HEATR9: variants seen among roughly 807,000 people sequenced by gnomAD.
HEATR9 encodes HEAT repeat containing 9.
HEATR9 carries 54 observed loss-of-function variants against 68.2 expected under a neutral mutation model. The observed-to-expected ratio is 0.79, with a 90% CI of 0.64 to 0.99. HEATR9 has a LOEUF of 0.99. Among genes scored for constraint, HEATR9 ranks in the 50% least tolerant of loss-of-function variants. The pLI is 0.00. For missense variants in HEATR9, 662 were observed against 679.7 expected (o/e 0.97, Z 0.29); for synonymous variants, 241 against 253.5 (o/e 0.95, Z 0.47).
At chr17:35,865,945 C>T (rs1209223305) in intron 2 of HEATR9, among the ~76,000 whole-genome samples, 2 of 152,202 alleles carry the variant, frequency 1.3e-5, no homozygotes, top group Admixed American at 6.5e-5. Flanking sequence ...GGGAAACAGA[C>T]TTTCTTAAAA....
chr17:35,863,153 G>A (rs780394512), intron 7 of HEATR9, 28 bp from the exon 8 acceptor site: 6 of 1,612,356 alleles, frequency 3.7e-6, no homozygotes, highest in Non-Finnish European at 5.1e-6. Flanking sequence ...TCAAGTCAGG[G>A]CAGAGCCTCT....
rs778727437 is a variant in HEATR9, at chr17:35,855,292, CT to C, written c.1483del (p.Arg495GlyfsTer12). 5 of 1,614,070 alleles carry C rather than the reference CT, an allele frequency of 3.1e-6. No homozygotes were observed. The East Asian group carries it at 8.9e-5, about 29-fold the overall frequency. ...PKTNVKAEPTRFQKEPENPEE... is the reference protein window; with the variant it reads ...PKTNVKAEPTXFQKEPENPEE... ...TGGGTTCTCAGGCTCTTTCTGGAACCTTGTGGGCTCTGCCTTCACATTGGTC... is the reference window on the plus strand; with the variant it reads ...TGGGTTCTCAGGCTCTTTCTGGAACCTGTGGGCTCTGCCTTCACATTGGTC... On this transcript the variant is annotated frameshift_variant, in exon 15 of 15. Transcript: ENST00000604834. LOFTEE classifies it low-confidence loss of function (END_TRUNC).
intron 8 of HEATR9, among the ~76,000 whole-genome samples, chr17:35,862,275 A>G (rs1354228906): frequency 6.6e-6 from 1 of 152,178 alleles, no homozygotes; most frequent in African/African-American, 2.4e-5. Context: ...GTTCACTGCT[A>G]TATCCCAAGG....
intron 4 of HEATR9, 28 bp downstream of exon 4, chr17:35,864,730 C>G: frequency 6.2e-7 from 1 of 1,613,410 alleles, no homozygotes; most frequent in African/African-American, 1.3e-5. Flanking sequence ...GAGGGAGTCC[C>G]CCACGTCCTC....
At chr17:35,861,248 A>G in intron 8 of HEATR9, 1 of 1,537,954 alleles carries the variant, frequency 6.5e-7, no homozygotes, top group East Asian at 2.2e-5. Context: ...TTCGTTATAA[A>G]TTTAGCTTGA....
In HEATR9 at chr17:35,855,163, G is replaced by A. The variant is rs375997706; in HGVS notation, c.1613C>T (p.Pro538Leu). 39 of 1,614,000 alleles carry A rather than the reference G, an allele frequency of 2.4e-5. No homozygotes were observed. In the Admixed American group the frequency reaches 3.5e-4, roughly 14 times the overall value. The part of the protein sequence containing the change: ...VGQKKTPAFP[P>L]CCSKPRKHRP... ...ATGTTTTCGTGGTTTCGAGCAGCAC[G>A]GTGGGAAAGCAGGCGTTTTCTTTTG... The change falls in exon 15 of 15, where the codon CCG becomes CTG. Residue 538 changes from proline (P) to leucine (L), a missense_variant. Coordinates refer to ENST00000604834, the MANE Select transcript of HEATR9 (RefSeq NM_152781.4).
chr17:35,858,159 GT>G (rs1476387901), intron 11 of HEATR9, 40 bp downstream of exon 11: 1 of 1,613,330 alleles, frequency 6.2e-7, no homozygotes, highest in East Asian at 2.2e-5. Flanking sequence ...AAAGAGAAAG[GT>G]TTGGGTGTCT....
intron 1 of HEATR9, 117 bp from the exon 2 acceptor site, chr17:35,866,890 C>G: frequency 1.0e-6 from 1 of 957,452 alleles, no homozygotes; most frequent in Admixed American, 1.7e-5. Context: ...GGCAGATCAC[C>G]TGAGGTCAGG....
chr17:35,857,071 G>A (rs74891464), intron 11 of HEATR9, among the ~76,000 whole-genome samples: 4,463 of 152,142 alleles, frequency 0.029, 225 homozygotes, highest in African/African-American at 0.1. Context: ...AAACTTGGAA[G>A]GTGAGTGGGA....
chr17:35,855,869 C>T, intron 13 of HEATR9, 119 bp from the exon 14 acceptor site: 1 of 847,868 alleles, frequency 1.2e-6, no homozygotes, highest in African/African-American at 1.7e-5. Flanking sequence ...GATAGGGTTT[C>T]CCAGCTGAGA....
chr17:35,866,922 A>G (rs1313150243), intron 1 of HEATR9, 149 bp from the exon 2 acceptor site: 2 of 721,556 alleles, frequency 2.8e-6, no homozygotes, highest in African/African-American at 1.8e-5. Flanking sequence ...AGCCTAGCCA[A>G]CATGGTGAAA....
At chr17:35,864,405 C>A in intron 5 of HEATR9, 92 bp downstream of exon 5, 1 of 1,535,570 alleles carries the variant, frequency 6.5e-7, no homozygotes, top group Non-Finnish European at 9.0e-7. Flanking sequence ...AATACCATCC[C>A]CACAACCACC....
intron 13 of HEATR9, 102 bp downstream of exon 13, chr17:35,856,071 C>T (rs772291448): frequency 1.3e-4 from 168 of 1,295,960 alleles, no homozygotes; most frequent in South Asian, 5.5e-4. Context: ...ACAACTTCCC[C>T]GAAGTTTACA....
At chr17:35,863,706 G>T in intron 6 of HEATR9, 147 bp from the exon 7 acceptor site, 1 of 796,086 alleles carries the variant, frequency 1.3e-6, no homozygotes, top group Non-Finnish European at 2.1e-6. Context: ...ACAGAATACA[G>T]CCAAAATGGT....
chr17:35,865,394 C>A lies in HEATR9; in HGVS notation c.141G>T (p.Met47Ile). 1 of 1,612,334 alleles carries A rather than the reference C, an allele frequency of 6.2e-7. No individual in the cohort carries two copies. Among genetic ancestry groups the A allele is most frequent in the South Asian group, 1.1e-5 (1 of 90,878 alleles). Residue 47 changes from methionine to isoleucine, a missense_variant and splice_region_variant, in exon 3 of 15, where the codon ATG becomes ATT. By Grantham distance (10) the Met-to-Ile change is conservative. Coordinates refer to ENST00000604834, the MANE Select transcript of HEATR9 (RefSeq NM_152781.4). ...GACTTGGGGGAAACTCTTCCTTTGGCATCTGGGGGTTGCAAGTGGCAGAAC... is the reference window on the plus strand; with the variant it reads ...GACTTGGGGGAAACTCTTCCTTTGGAATCTGGGGGTTGCAAGTGGCAGAAC... ...PVHLPLSCYQMPKEEFPPSPE... is the reference protein window; with the variant it reads ...PVHLPLSCYQIPKEEFPPSPE...
At position 35,865,040 on chromosome 17, in the gene HEATR9, G is replaced by C. The variant is rs2088144347; in HGVS notation, c.321-150C>G. ...ACTCAGTGATATCCACCAGAGCCGA[G>C]CCGAGCCGAGCCGGCCGAGCCAGAT... On this transcript the variant is annotated intron_variant, in intron 3 of 14. Coordinates refer to ENST00000604834, the MANE Select transcript of HEATR9 (RefSeq NM_152781.4). The C allele has an allele frequency of 3.0e-6, 4 of 1,315,488 alleles. No homozygotes were observed. The South Asian group carries it at 5.4e-5, about 18-fold the overall frequency. The allele number at this position is 1,315,488 out of a possible 1,614,324, so 81.5% of individuals were successfully genotyped here.
chr17:35,858,570 A>G, intron 9 of HEATR9, 45 bp from the exon 10 acceptor site: 1 of 1,539,138 alleles, frequency 6.5e-7, no homozygotes, highest in Non-Finnish European at 8.9e-7. Context: ...GCCTAGAGGC[A>G]TCTGTGTGGC....
At position 35,858,290 on chromosome 17, in the gene HEATR9, C is replaced by G. The variant is rs2087849347; in HGVS notation, c.1062G>C (p.Lys354Asn). 1.2e-6 allele frequency: 2 copies of G among 1,614,174 alleles called. No individual in the cohort carries two copies. The highest frequency in any genetic ancestry group is 1.7e-6 in the Non-Finnish European group (2 of 1,180,020). ...EDRFEATQML[K>N]TIGLEQIQAQ... is the part of the protein sequence containing the mutation. Reference sequence around the variant, plus strand: ...CCTGGATCTGTTCCAGCCCAATGGTCTTGAGCATTTGGGTGGCTTCAAAGC... The same window carrying G: ...CCTGGATCTGTTCCAGCCCAATGGTGTTGAGCATTTGGGTGGCTTCAAAGC... The change falls in exon 11 of 15, where the codon AAG becomes AAC. Residue 354 changes from lysine (K) to asparagine (N), a missense_variant. By Grantham distance (94) the Lys-to-Asn change is moderately conservative. Transcript: ENST00000604834.
chr17:35,859,674 A>G (rs770495782), intron 8 of HEATR9, among the ~76,000 whole-genome samples: 12 of 152,184 alleles, frequency 7.9e-5, no homozygotes, highest in Non-Finnish European at 1.5e-4. Flanking sequence ...GGACAGAACT[A>G]CAGTCCAACT....
Sources: allele counts gnomAD v4.1 joint callset (sites outside exome capture counted in the v4.1 genomes callset), GRCh38; gene constraint gnomAD v4.1.1; transcripts MANE v1.5; gene names NCBI Gene and HGNC (gene_info 2026-07-23, HGNC 2026-07-21).